The following TUSC3 variants were observed in gnomAD, a reference collection of about 807,000 sequenced individuals.
TUSC3 encodes tumor suppressor candidate 3.
In TUSC3, 45 loss-of-function variants were observed where a neutral mutation model predicts 44.8. That is an observed-to-expected ratio of 1.00 (90% CI 0.79 to 1.29). The LOEUF (loss-of-function observed/expected upper bound fraction) is 1.29, where lower values mean the gene tolerates loss of function less well. Ranked by LOEUF, TUSC3 falls within the 50% of genes most tolerant of loss-of-function variation. The probability of loss-of-function intolerance (pLI) is 0.00; values close to 1 mark genes in which losing one functional copy is unlikely to be tolerated. For missense variants in TUSC3, 519 were observed against 437.9 expected (o/e 1.19, Z -1.65); for synonymous variants, 212 against 152.9 (o/e 1.39, Z -2.85).
At chr8:15,745,975 A>G (rs1811397008) in intron 8 of TUSC3, among the ~76,000 whole-genome samples, 1 of 152,136 alleles carries the variant, frequency 6.6e-6, no homozygotes, top group African/African-American at 2.4e-5. Flanking sequence ...ATTCTTGTGC[A>G]TATGGCTAGC....
At chr8:15,541,999 A>AC (rs1801708245) in intron 1 of TUSC3, among the ~76,000 whole-genome samples, 1 of 141,348 alleles carries the variant, frequency 7.1e-6, no homozygotes, top group Non-Finnish European at 1.6e-5. Context: ...GACCTTAATC[A>AC]ATTTTTTTTT....
chr8:15,792,458 G>C, the TUSC3 span, among the ~76,000 whole-genome samples: 1 of 152,162 alleles, frequency 6.6e-6, no homozygotes, highest in Admixed American at 6.6e-5. Flanking sequence ...TATACTGACA[G>C]TTGAATTTAG....
At chr8:15,690,015 TG>T (rs1030087306) in intron 6 of TUSC3, among the ~76,000 whole-genome samples, 1 of 152,094 alleles carries the variant, frequency 6.6e-6, no homozygotes, top group African/African-American at 2.4e-5. Flanking sequence ...TTATATTTTT[TG>T]GGGTGTATAC....
Position 15,641,014 on chromosome 8 carries a change from A to G in TUSC3, c.309-9683A>G, listed in dbSNP as rs77453470. On this transcript the variant is annotated intron_variant, in intron 2 of 10. Transcript: ENST00000503731. ...TACTAGACATACCTCTTTGCCATGT[A>G]TACTGAGTGTGTTATATGTATTGTG... 9.4e-3 allele frequency among the ~76,000 whole-genome samples: 1,425 copies of G among 152,146 alleles called. 25 individuals are homozygous for G. The highest frequency in any genetic ancestry group is 0.033 in the African/African-American group (1,360 of 41,538).
the TUSC3 span, among the ~76,000 whole-genome samples, chr8:15,779,855 A>G: frequency 2.6e-5 from 4 of 152,228 alleles, no homozygotes; most frequent in Admixed American, 6.5e-5. Flanking sequence ...ATAAAGGGCA[A>G]CTACAGAAAC....
rs73540552 is a variant in TUSC3 at position 15,596,965 on chromosome 8, C to T, written c.139-26115C>T. Among the ~76,000 whole-genome samples, 399 of 152,208 alleles carry T rather than the reference C, an allele frequency of 2.6e-3. 1 individual carries two copies. The highest frequency in any genetic ancestry group is 9.2e-3 in the African/African-American group (382 of 41,542). On this transcript the variant is annotated intron_variant, in intron 1 of 10. Coordinates refer to ENST00000503731, the MANE Select transcript of TUSC3 (RefSeq NM_006765.4). ...GACAAGGTTAATAGTCCAATTTAAA[C>T]CTTGGTTAGGTAGCACCAGTTGAAA...
At chr8:15,521,379 G>A (rs1421005234) in intron 2 of TUSC3, among the ~76,000 whole-genome samples, 1 of 152,072 alleles carries the variant, frequency 6.6e-6, no homozygotes, top group Admixed American at 6.6e-5. Context: ...TTATAGGGAA[G>A]GAGTGAGGGG....
At chr8:15,429,322 G>A (rs565111760) in intron 1 of TUSC3, among the ~76,000 whole-genome samples, 34 of 151,764 alleles carry the variant, frequency 2.2e-4, no homozygotes, top group African/African-American at 7.8e-4. Context: ...CTGTTCCATT[G>A]ATCTATATCT....
chr8:15,727,123 T>C (rs1190092240), intron 6 of TUSC3, among the ~76,000 whole-genome samples: 2 of 152,192 alleles, frequency 1.3e-5, no homozygotes, highest in Non-Finnish European at 2.9e-5. Flanking sequence ...CAATATTCCC[T>C]CTTTCAAAGG....
the TUSC3 span, among the ~76,000 whole-genome samples, chr8:15,781,386 AAC>A: frequency 6.6e-6 from 1 of 152,292 alleles, no homozygotes; most frequent in Admixed American, 6.5e-5. Context: ...ACGTAAAACA[AAC>A]ACAGCAGTTT....
chr8:15,485,089 T>G (rs1462952902), intron 2 of TUSC3, among the ~76,000 whole-genome samples: 1 of 152,194 alleles, frequency 6.6e-6, no homozygotes, highest in Admixed American at 6.5e-5. Flanking sequence ...AAGAAATATT[T>G]CTGAGTTCCT....
chr8:15,524,478 G>A (rs867667523), intron 2 of TUSC3, among the ~76,000 whole-genome samples: 3 of 152,044 alleles, frequency 2.0e-5, no homozygotes, highest in African/African-American at 7.2e-5. Context: ...GAGGCTTTGC[G>A]TAAATTGATA....
At chr8:15,475,076 T>A (rs1800557655) in intron 1 of TUSC3, among the ~76,000 whole-genome samples, 1 of 152,178 alleles carries the variant, frequency 6.6e-6, no homozygotes, top group East Asian at 1.9e-4. Flanking sequence ...GCGCCCCCTT[T>A]ATACACAGTT....
chr8:15,550,348 A>G lies in TUSC3; in HGVS notation c.138+9780A>G, dbSNP rs1057151424. On this transcript the variant is annotated intron_variant, in intron 1 of 10. Transcript: ENST00000503731. Reference sequence around the variant, plus strand: ...TTCCATTGACAGCCACATGAGTTGCATGCTTAGATGTTGGACATAGTGTAA... The same window carrying G: ...TTCCATTGACAGCCACATGAGTTGCGTGCTTAGATGTTGGACATAGTGTAA... 9.2e-5 allele frequency among the ~76,000 whole-genome samples: 14 copies of G among 151,768 alleles called. 1 individual carries two copies. Among genetic ancestry groups the G allele is most frequent in the Non-Finnish European group, 1.5e-5 (1 of 67,906 alleles).
the TUSC3 span, among the ~76,000 whole-genome samples, chr8:15,781,271 G>T: frequency 6.6e-6 from 1 of 152,186 alleles, no homozygotes; most frequent in Non-Finnish European, 1.5e-5. Flanking sequence ...GGGATACAAG[G>T]AAGTGGAACC....
intron 10 of TUSC3, among the ~76,000 whole-genome samples, chr8:15,763,679 T>A (rs1450269662): frequency 6.6e-6 from 1 of 152,112 alleles, no homozygotes; most frequent in African/African-American, 2.4e-5. Context: ...TATCTTTTAC[T>A]TTTATATGTA....
At chr8:15,549,585 T>C (rs1801986209) in intron 1 of TUSC3, among the ~76,000 whole-genome samples, 1 of 151,702 alleles carries the variant, frequency 6.6e-6, no homozygotes, top group South Asian at 2.1e-4. Flanking sequence ...TTTTAGAATA[T>C]TATATTTTAA....
chr8:15,797,355 C>A, the TUSC3 span, among the ~76,000 whole-genome samples: 1 of 151,658 alleles, frequency 6.6e-6, no homozygotes, highest in African/African-American at 2.4e-5. Context: ...TTCTTTTTTT[C>A]TTTTTTTTGG....
At position 15,765,053 on chromosome 8, in the gene TUSC3, G is replaced by A. The variant is rs1812289552; in HGVS notation, c.*897G>A. 6.6e-6 allele frequency: 1 copy of A among 152,034 alleles called. No individual in the cohort carries two copies. 9.4% of individuals were successfully genotyped at this position (152,034 alleles called of 1,614,324 possible). A position where few individuals can be genotyped will look rare whatever the true frequency, so the allele number is the denominator to read the frequency against. ...GTTAATTATCCTAGGATTAGTGAAT[G>A]ATTCAATGAAGCTTTCTTGAAAACA... On this transcript the variant is annotated 3_prime_UTR_variant, in exon 11 of 11. Transcript: ENST00000503731.
Sources: gnomAD v4.1 joint callset for allele counts (sites outside exome capture counted in the v4.1 genomes callset) on GRCh38, gnomAD v4.1.1 for gene constraint, MANE v1.5 for transcripts, NCBI Gene and HGNC (gene_info 2026-07-23, HGNC 2026-07-21) for gene names.